The following PCYT2 variants were observed in gnomAD, a reference collection of about 807,000 sequenced individuals.
PCYT2 encodes the protein ethanolamine-phosphate cytidylyltransferase.
PCYT2 carries 33 observed loss-of-function variants against 50.0 expected under a neutral mutation model. The observed-to-expected ratio is 0.66, with a 90% CI of 0.50 to 0.88. PCYT2 has a LOEUF of 0.88. Among genes scored for constraint, PCYT2 ranks in the 40% least tolerant of loss-of-function variants. PCYT2 has a pLI of 0.00. For missense variants in PCYT2, 430 were observed against 519.7 expected (o/e 0.83, Z 1.68); for synonymous variants, 240 against 203.7 (o/e 1.18, Z -1.52).
At position 81,904,956 on chromosome 17, in the gene PCYT2, G is replaced by A. The variant is rs762647817; in HGVS notation, c.1059-12C>T. 2.5e-6 allele frequency: 4 copies of A among 1,610,268 alleles called. No individual in the cohort carries two copies. Among genetic ancestry groups the A allele is most frequent in the South Asian group, 1.1e-5 (1 of 90,806 alleles). On this transcript the variant is annotated splice_polypyrimidine_tract_variant and intron_variant, in intron 12 of 12. Transcript: ENST00000538936. ...CCTCATACTCCAACCTGAGAGGGCA[G>A]GGTAAGTCTAGCAGAGAGCGCCCAT...
intron 1 of PCYT2, among the ~76,000 whole-genome samples, chr17:81,910,426 C>T (rs900972607): frequency 6.6e-6 from 1 of 152,244 alleles, no homozygotes; most frequent in Non-Finnish European, 1.5e-5. Context: ...ACCCCTGCCA[C>T]AGTGCGCGGA....
In PCYT2 at chr17:81,905,130, G is replaced by A. The variant is rs139240273; in HGVS notation, c.994C>T (p.Arg332Cys). The A allele has an allele frequency of 3.5e-5, 57 of 1,613,128 alleles. No individual in the cohort carries two copies. In the East Asian group the frequency reaches 5.1e-4, roughly 15 times the overall value. ...AGGTTGCTGCCACTGTCAATCTGAC[G>A]GAAGATGCCCCTTCTCTTGGGCTCC... ...YQEPKRRGIF[R>C]QIDSGSNLTT... Residue 332 changes from arginine (R) to cysteine (C), a missense_variant, in exon 12 of 13, where the codon CGT becomes TGT. By Grantham distance (180) the Arg-to-Cys change is radical (BLOSUM62 -3). Coordinates refer to ENST00000538936, the MANE Select transcript of PCYT2 (RefSeq NM_002861.5).
chr17:81,903,040 G>A lies in PCYT2; in HGVS notation c.*1793C>T. Reference sequence around the variant, plus strand: ...GGCCTGGGCCGCCCAGAGGTCTTCAGACCCAGGGGCGAAGCTGGCCACGAC... The same window carrying A: ...GGCCTGGGCCGCCCAGAGGTCTTCAAACCCAGGGGCGAAGCTGGCCACGAC... On this transcript the variant is annotated 3_prime_UTR_variant, in exon 13 of 13. Transcript: ENST00000538936. 1 of 417,980 alleles carries A rather than the reference G, an allele frequency of 2.4e-6. No individual in the cohort carries two copies. The highest frequency in any genetic ancestry group is 3.9e-5 in the East Asian group (1 of 25,674). The allele number at this position is 417,980 out of a possible 1,614,324, so 25.9% of individuals were successfully genotyped here.
At position 81,905,751 on chromosome 17, in the gene PCYT2, G is replaced by A. The variant is rs960882888; in HGVS notation, c.838-16C>T. ...CTGACACGTACTGTGGGGACAGTGG[G>A]GGCAGAAAGACTTGCTCGGTCCCTG... On this transcript the variant is annotated splice_polypyrimidine_tract_variant and intron_variant, in intron 9 of 12. Transcript: ENST00000538936. 1 of 1,612,990 alleles carries A rather than the reference G, an allele frequency of 6.2e-7. No homozygotes were observed.
rs566700792 is a variant in PCYT2 at position 81,902,857 on chromosome 17, T to C, written c.*1976A>G. 18 of 963,590 alleles carry C rather than the reference T, an allele frequency of 1.9e-5. No individual in the cohort carries two copies. In the African/African-American group the frequency reaches 2.1e-4, roughly 11 times the overall value. 59.7% of individuals were successfully genotyped at this position (963,590 alleles called of 1,614,324 possible). ...GCGCCCCAGGTCTCCCCTACTCCGC[T>C]CACCCCGCAGTTAATGGCAAACGAA... is the stretch of plus-strand genomic sequence containing the variant. On this transcript the variant is annotated 3_prime_UTR_variant, in exon 13 of 13. Transcript: ENST00000538936.
At chr17:81,905,570 C>T (rs2040216320) in intron 10 of PCYT2, 100 bp downstream of exon 10, 1 of 1,442,614 alleles carries the variant, frequency 6.9e-7, no homozygotes, top group Non-Finnish European at 9.7e-7. Flanking sequence ...CCAGGTACCT[C>T]CTGGGCCCCG....
In PCYT2 at chr17:81,908,454, T is replaced by C. The variant is rs190086859; in HGVS notation, c.407+114A>G. On this transcript the variant is annotated intron_variant, in intron 4 of 12. Coordinates refer to ENST00000538936, the MANE Select transcript of PCYT2 (RefSeq NM_002861.5). ...TTCCCAGTCCTGGGCGTGAGGAACA[T>C]GGCCCAGGGCCTGGACGCTCCCCTC... The C allele has an allele frequency of 3.4e-3, 2,581 of 756,450 alleles. 6 individuals carry two copies. The highest frequency in any genetic ancestry group is 4.6e-3 in the Non-Finnish European group (2,085 of 455,604). 46.9% of individuals were successfully genotyped at this position (756,450 alleles called of 1,614,324 possible). A position where few individuals can be genotyped will look rare whatever the true frequency, so the allele number is the denominator to read the frequency against.
In PCYT2 at chr17:81,902,770, G is replaced by T; in HGVS notation, c.*2063C>A. ...CTGAGCCCGGACCTCTCCTGGCACC[G>T]CTGGGGGCCCCCCGCCCCCACCGTC... On this transcript the variant is annotated 3_prime_UTR_variant, in exon 13 of 13. Transcript: ENST00000538936. 2 of 1,585,932 alleles carry T rather than the reference G, an allele frequency of 1.3e-6. No individual in the cohort carries two copies. Among genetic ancestry groups the T allele is most frequent in the Non-Finnish European group, 1.7e-6 (2 of 1,169,094 alleles).
At position 81,903,087 on chromosome 17, in the gene PCYT2, G is replaced by A. The variant is rs763821694; in HGVS notation, c.*1746C>T. The A allele has an allele frequency of 2.5e-5, 8 of 318,272 alleles. No homozygotes were observed. The highest frequency in any genetic ancestry group is 1.0e-4 in the Admixed American group (2 of 19,722). 19.7% of individuals were successfully genotyped at this position (318,272 alleles called of 1,614,324 possible). A position where few individuals can be genotyped will look rare whatever the true frequency, so the allele number is the denominator to read the frequency against. ...CGACCCAGCCCCGCGGTGAAGCCGC[G>A]CCTAGCCTTGGTGCTCCCTGGGGGA... is the stretch of plus-strand genomic sequence containing the variant. On this transcript the variant is annotated 3_prime_UTR_variant, in exon 13 of 13. Coordinates refer to ENST00000538936, the MANE Select transcript of PCYT2 (RefSeq NM_002861.5).
chr17:81,905,815 C>G (rs978587611), intron 9 of PCYT2, 80 bp from the exon 10 acceptor site: 1 of 1,438,990 alleles, frequency 6.9e-7, no homozygotes, highest in Admixed American at 1.7e-5. Context: ...TGAGAGACGG[C>G]TCAGACATGG....
rs2040206708 is a variant in PCYT2, at chr17:81,905,462, G to A, written c.904-15C>T. On this transcript the variant is annotated splice_polypyrimidine_tract_variant and intron_variant, in intron 10 of 12. Coordinates refer to ENST00000538936, the MANE Select transcript of PCYT2 (RefSeq NM_002861.5). The stretch of plus-strand genomic sequence containing the variant: ...ACCAGGTCCACCTGGAGAAGGAGTG[G>A]GGTCAGGAGCCCTCCCCGGGGAGGC... 1.3e-6 allele frequency: 2 copies of A among 1,563,034 alleles called. No individual in the cohort carries two copies. Among genetic ancestry groups the A allele is most frequent in the Non-Finnish European group, 1.7e-6 (2 of 1,153,686 alleles).
At chr17:81,908,668 A>T in intron 3 of PCYT2, 34 bp from the exon 4 acceptor site, 1 of 1,563,950 alleles carries the variant, frequency 6.4e-7, no homozygotes, top group African/African-American at 1.4e-5. Flanking sequence ...AGGATCCTTA[A>T]CCCAAAGCCA....
At chr17:81,911,128 G>C in intron 1 of PCYT2, 139 bp downstream of exon 1, 1 of 1,002,086 alleles carries the variant, frequency 1.0e-6, no homozygotes, top group Non-Finnish European at 1.2e-6. Context: ...GGCGAGCCCC[G>C]CAGCCTGCCA....
In PCYT2 at chr17:81,907,469, C is replaced by T. The variant is rs1351928055; in HGVS notation, c.537+85G>A. 2.7e-6 allele frequency: 4 copies of T among 1,454,630 alleles called. No homozygotes were observed. The South Asian group carries it at 4.9e-5, about 18-fold the overall frequency. 90.1% of individuals were successfully genotyped at this position (1,454,630 alleles called of 1,614,324 possible). On this transcript the variant is annotated intron_variant, in intron 6 of 12. Coordinates refer to ENST00000538936, the MANE Select transcript of PCYT2 (RefSeq NM_002861.5). ...GAGGAGGGTGAGGCTCTGGGCTGGC[C>T]TTTCCCCAAGGGATGGCTGGGACAG...
In PCYT2 at chr17:81,906,469, C is replaced by T. The variant is rs2040273260; in HGVS notation, c.754G>A (p.Asp252Asn). 3 of 1,613,302 alleles carry T rather than the reference C, an allele frequency of 1.9e-6. No homozygotes were observed. Among genetic ancestry groups the T allele is most frequent in the Non-Finnish European group, 2.5e-6 (3 of 1,179,842 alleles). ...RPYIIAGLHFDQEVNHYKGKN... is the reference protein window; with the variant it reads ...RPYIIAGLHFNQEVNHYKGKN... ...GGGAGCAAGAAGGCAGTGACCTGGT[C>T]AAAGTGTAAGCCCGCGATGATGTAG... Residue 252 changes from aspartate (D) to asparagine (N), a missense_variant, in exon 8 of 13, where the codon GAC (aspartate) becomes AAC (asparagine). Coordinates refer to ENST00000538936, the MANE Select transcript of PCYT2 (RefSeq NM_002861.5).
At chr17:81,909,293 G>T in intron 2 of PCYT2, 1 of 1,430,798 alleles carries the variant, frequency 7.0e-7, no homozygotes. Context: ...CGCTGGCAGT[G>T]GTGGGGAGCA....
chr17:81,905,518 G>A lies in PCYT2; in HGVS notation c.904-71C>T. ...CCGTCGCCACCCACAGCCCAGCACA[G>A]GCCCCGGGGGTTGGGAGAGCTGACC... On this transcript the variant is annotated intron_variant, in intron 10 of 12. Transcript: ENST00000538936. 7 of 1,482,076 alleles carry A rather than the reference G, an allele frequency of 4.7e-6. No homozygotes were observed. In the South Asian group the frequency reaches 4.8e-5, roughly 10 times the overall value. The allele number at this position is 1,482,076 out of a possible 1,614,324, so 91.8% of individuals were successfully genotyped here.
chr17:81,907,487 TG>T, intron 6 of PCYT2, 66 bp downstream of exon 6: 1 of 1,513,008 alleles, frequency 6.6e-7, no homozygotes. Flanking sequence ...AAGGGATGGC[TG>T]GGACAGGTGG....
At position 81,901,763 on chromosome 17, in the gene PCYT2, C is replaced by T. The variant is rs1001118847; in HGVS notation, c.*3070G>A. On this transcript the variant is annotated 3_prime_UTR_variant, in exon 13 of 13. Coordinates refer to ENST00000538936, the MANE Select transcript of PCYT2 (RefSeq NM_002861.5). ...GAGGACCCCGCCAGTAACAGCCCTG[C>T]TGGTGGAACCTTCCCCAGTGGGCAT... 4 of 152,462 alleles carry T rather than the reference C, an allele frequency of 2.6e-5. No homozygotes were observed. The highest frequency in any genetic ancestry group is 4.4e-5 in the Non-Finnish European group (3 of 68,190). The allele number at this position is 152,462 out of a possible 1,614,324, so 9.4% of individuals were successfully genotyped here. A position where few individuals can be genotyped will look rare whatever the true frequency, so the allele number is the denominator to read the frequency against.
Sources: allele counts gnomAD v4.1 joint callset (sites outside exome capture counted in the v4.1 genomes callset), GRCh38; gene constraint gnomAD v4.1.1; transcripts MANE v1.5; gene names NCBI Gene and HGNC (gene_info 2026-07-23, HGNC 2026-07-21).